The following SLC9B2 variants were observed in gnomAD, a reference collection of about 807,000 sequenced individuals.
SLC9B2 encodes solute carrier family 9 member B2.
A neutral mutation model predicts 52.2 loss-of-function variants in SLC9B2; 39 were observed. The ratio of observed to expected loss-of-function variants is 0.75; its 90% CI spans 0.58 to 0.98. The LOEUF is 0.98. Among genes scored for constraint, SLC9B2 ranks in the 50% least tolerant of loss-of-function variants. SLC9B2 has a pLI of 0.00. For synonymous variants in SLC9B2, 214 were observed against 227.0 expected (o/e 0.94, Z 0.51); for missense variants, 626 against 637.5 (o/e 0.98, Z 0.19).
intron 3 of SLC9B2, among the ~76,000 whole-genome samples, chr4:103,064,037 C>T (rs922881755): frequency 6.6e-5 from 10 of 152,130 alleles, no homozygotes; most frequent in Admixed American, 6.5e-4. Context: ...ACTCTGTGCA[C>T]TATTGGTGGG....
intron 3 of SLC9B2, among the ~76,000 whole-genome samples, chr4:103,061,357 T>C (rs1005242618): frequency 5.3e-5 from 8 of 152,142 alleles, no homozygotes; most frequent in African/African-American, 1.9e-4. Flanking sequence ...ATGTCCTTTG[T>C]AGGGACGTGG....
rs1427840113 is a variant in SLC9B2 at position 103,047,093 on chromosome 4, T to C, written c.847A>G (p.Ile283Val). 1.2e-6 allele frequency: 2 copies of C among 1,613,976 alleles called. No individual in the cohort carries two copies. Among genetic ancestry groups the C allele is most frequent in the Admixed American group, 1.7e-5 (1 of 59,988 alleles). Reference sequence around the variant, plus strand: ...CCCAAGCATGTGTTGAAGCCAGTGATGGCCAGAATGTCATCGAAGCTGCCA... The same window carrying C: ...CCCAAGCATGTGTTGAAGCCAGTGACGGCCAGAATGTCATCGAAGCTGCCA... ...AAGSFDDILA[I>V]TGFNTCLGIA... Residue 283 changes from isoleucine (I) to valine (V), a missense_variant, in exon 7 of 12, where the codon ATC becomes GTC. Transcript: ENST00000394785.
chr4:103,033,509 T>G (rs1008392998), intron 9 of SLC9B2, among the ~76,000 whole-genome samples: 1 of 152,160 alleles, frequency 6.6e-6, no homozygotes, highest in Non-Finnish European at 1.5e-5. Flanking sequence ...CAGATTATAC[T>G]ATACCTGGAA....
At chr4:103,029,940 T>C (rs941809188) in intron 10 of SLC9B2, among the ~76,000 whole-genome samples, 2 of 152,154 alleles carry the variant, frequency 1.3e-5, no homozygotes, top group South Asian at 2.1e-4. Flanking sequence ...GGAGGATCTA[T>C]TGTAAATCTG....
intron 10 of SLC9B2, among the ~76,000 whole-genome samples, chr4:103,029,223 ATAAG>A (rs1333339469): frequency 2.6e-5 from 4 of 152,150 alleles, no homozygotes; most frequent in African/African-American, 9.7e-5. Context: ...TGATTAAATG[ATAAG>A]TAATAAGCTT....
intron 11 of SLC9B2, among the ~76,000 whole-genome samples, chr4:103,027,892 A>G (rs1356115980): frequency 6.6e-6 from 1 of 152,162 alleles, no homozygotes; most frequent in African/African-American, 2.4e-5. Flanking sequence ...ACATCCCCCA[A>G]AGCCTCCTAA....
chr4:103,067,344 A>T, intron 2 of SLC9B2, 117 bp downstream of exon 2: 1 of 837,390 alleles, frequency 1.2e-6, no homozygotes, highest in Non-Finnish European at 1.9e-6. Context: ...CAATGATGTT[A>T]GCTGGGAAAA....
chr4:103,050,441 T>C, intron 4 of SLC9B2, 59 bp from the exon 5 acceptor site: 2 of 1,450,204 alleles, frequency 1.4e-6, no homozygotes, highest in Non-Finnish European at 9.1e-7. Flanking sequence ...ATATTTTTAG[T>C]ACTTTAATTT....
intron 3 of SLC9B2, among the ~76,000 whole-genome samples, chr4:103,064,114 T>A (rs2110654073): frequency 6.6e-6 from 1 of 152,270 alleles, no homozygotes. Flanking sequence ...AAAATGGTAC[T>A]ACCATATGAT....
At chr4:103,075,114 G>C (rs1746996184) in intron 1 of SLC9B2, among the ~76,000 whole-genome samples, 1 of 152,102 alleles carries the variant, frequency 6.6e-6, no homozygotes, top group Admixed American at 6.5e-5. Context: ...TTCAACTTTA[G>C]ACACATAACA....
downstream of SLC9B2, among the ~76,000 whole-genome samples, chr4:103,020,672 C>T (rs1049194377): frequency 1.3e-5 from 2 of 152,160 alleles, no homozygotes; most frequent in African/African-American, 4.8e-5. Context: ...CAGGGTCTCA[C>T]TCTATTACCC....
At chr4:103,058,574 A>C (rs1407832687) in intron 3 of SLC9B2, among the ~76,000 whole-genome samples, 3 of 151,904 alleles carry the variant, frequency 2.0e-5, no homozygotes. Context: ...ATTTCTTAAA[A>C]ATTTTTTAGT....
intron 4 of SLC9B2, among the ~76,000 whole-genome samples, chr4:103,055,034 T>C (rs112425465): frequency 2.6e-5 from 4 of 152,238 alleles, no homozygotes; most frequent in African/African-American, 9.6e-5. Flanking sequence ...GTGGCACATA[T>C]ACACCATGGA....
intron 3 of SLC9B2, among the ~76,000 whole-genome samples, chr4:103,066,045 A>G (rs150346590): frequency 6.6e-6 from 1 of 152,352 alleles, no homozygotes; most frequent in Non-Finnish European, 1.5e-5. Context: ...TTACTCAGAT[A>G]TAGTAAAGGA....
At chr4:103,035,012 C>T (rs916695881) in intron 9 of SLC9B2, among the ~76,000 whole-genome samples, 1 of 152,102 alleles carries the variant, frequency 6.6e-6, no homozygotes, top group Non-Finnish European at 1.5e-5. Flanking sequence ...TTCAGGGGCA[C>T]ATGTGCAGGT....
intron 1 of SLC9B2, among the ~76,000 whole-genome samples, chr4:103,069,060 A>G (rs1280378571): frequency 2.0e-5 from 3 of 152,312 alleles, no homozygotes; most frequent in South Asian, 4.1e-4. Flanking sequence ...TTTGTAATAA[A>G]TGTTTATATA....
chr4:103,041,303 G>A (rs1743619319), intron 9 of SLC9B2, among the ~76,000 whole-genome samples: 1 of 152,062 alleles, frequency 6.6e-6, no homozygotes, highest in South Asian at 2.1e-4. Flanking sequence ...AGTTACTAGA[G>A]GTAAATATTT....
intron 3 of SLC9B2, among the ~76,000 whole-genome samples, chr4:103,058,502 A>G (rs1198931445): frequency 6.6e-6 from 1 of 152,172 alleles, no homozygotes; most frequent in East Asian, 1.9e-4. Flanking sequence ...GGCTCAAGTG[A>G]TCATCCTGCC....
chr4:103,043,917 G>A (rs184457489), intron 8 of SLC9B2, among the ~76,000 whole-genome samples: 56 of 152,050 alleles, frequency 3.7e-4, no homozygotes, highest in African/African-American at 1.3e-3. Context: ...TAAATTTGAC[G>A]CCCCCTTGGT....
Sources: gnomAD v4.1 joint callset for allele counts (sites outside exome capture counted in the v4.1 genomes callset) on GRCh38, gnomAD v4.1.1 for gene constraint, MANE v1.5 for transcripts, NCBI Gene and HGNC (gene_info 2026-07-23, HGNC 2026-07-21) for gene names.